TYW1: variants seen among roughly 807,000 people sequenced by gnomAD.
The protein encoded by TYW1 is S-adenosyl-L-methionine-dependent tRNA 4-demethylwyosine synthase TYW1.
In TYW1, 46 loss-of-function variants were observed where a neutral mutation model predicts 96.2. The observed-to-expected ratio is 0.48, with a 90% confidence interval of 0.38 to 0.61. TYW1 has a LOEUF of 0.61. Among genes scored for constraint, TYW1 ranks in the 20% least tolerant of loss-of-function variants. The probability of loss-of-function intolerance (pLI) is 0.00; values close to 1 mark genes in which losing one functional copy is unlikely to be tolerated. For synonymous variants in TYW1, 274 were observed against 323.0 expected, an observed-to-expected ratio of 0.85 and a Z score of 1.63; for missense variants, 684 against 909.6, an observed-to-expected ratio of 0.75 and a Z score of 3.19.
chr7:67,177,696 TAAC>T (rs1384771087), intron 13 of TYW1, among the ~76,000 whole-genome samples: 2 of 152,164 alleles, frequency 1.3e-5, no homozygotes, highest in Non-Finnish European at 2.9e-5. Context: ...TTGTTGAAGA[TAAC>T]AACCAACCAA....
chr7:66,999,013 T>C, intron 3 of TYW1, 59 bp downstream of exon 3: 1 of 1,583,550 alleles, frequency 6.3e-7, no homozygotes, highest in South Asian at 1.1e-5. Context: ...AAAATCCCTT[T>C]AGCAGTGAAC....
At chr7:67,017,600 G>A (rs1794068637) in intron 5 of TYW1, among the ~76,000 whole-genome samples, 1 of 151,828 alleles carries the variant, frequency 6.6e-6, no homozygotes, top group Non-Finnish European at 1.5e-5. Flanking sequence ...TCCTTCATTT[G>A]ATAAAGGGGG....
At chr7:67,066,774 G>A (rs184241774) in intron 9 of TYW1, among the ~76,000 whole-genome samples, 2 of 152,268 alleles carry the variant, frequency 1.3e-5, no homozygotes, top group African/African-American at 2.4e-5. Context: ...CTTGAACCCA[G>A]GAGTTGGAGG....
intron 6 of TYW1, among the ~76,000 whole-genome samples, chr7:67,023,660 C>G (rs1475138561): frequency 6.6e-6 from 1 of 151,920 alleles, no homozygotes; most frequent in African/African-American, 2.4e-5. Context: ...CCCAGCTACT[C>G]TGGAGGCTGA....
At chr7:67,104,438 C>T (rs560444844) in intron 12 of TYW1, among the ~76,000 whole-genome samples, 4 of 152,300 alleles carry the variant, frequency 2.6e-5, no homozygotes, top group East Asian at 3.9e-4. Context: ...AACCAGATTT[C>T]GTGAGAACTT....
rs374412884 is a variant in TYW1, at chr7:67,181,874, G to A, written c.1699-1252G>A. On this transcript the variant is annotated intron_variant, in intron 13 of 15. Coordinates refer to ENST00000359626, the MANE Select transcript of TYW1 (RefSeq NM_018264.4). ...ATTTATTTTGAGACAGTCTTGCTCTGTCTCAGTGCAGTGGCGTGATCTCAG... is the reference window on the plus strand; with the variant it reads ...ATTTATTTTGAGACAGTCTTGCTCTATCTCAGTGCAGTGGCGTGATCTCAG... 4.6e-5 allele frequency among the ~76,000 whole-genome samples: 7 copies of A among 152,206 alleles called. No homozygotes were observed. In the East Asian group the frequency reaches 7.7e-4, roughly 17 times the overall value.
intron 1 of TYW1, among the ~76,000 whole-genome samples, chr7:66,997,554 T>C (rs1015313545): frequency 1.3e-5 from 2 of 152,228 alleles, no homozygotes; most frequent in African/African-American, 4.8e-5. Flanking sequence ...ATTCTGTTTT[T>C]TCTTTGAGTT....
chr7:67,142,689 C>T (rs1161313956), intron 13 of TYW1, among the ~76,000 whole-genome samples: 1 of 152,168 alleles, frequency 6.6e-6, no homozygotes, highest in African/African-American at 2.4e-5. Context: ...ACCTAGGCCT[C>T]CCAAAGTGCT....
At chr7:67,010,464 C>G (rs555585958) in intron 4 of TYW1, among the ~76,000 whole-genome samples, 58 of 151,450 alleles carry the variant, frequency 3.8e-4, no homozygotes, top group Middle Eastern at 3.4e-3. Context: ...CCATGCCCTG[C>G]TAATTTTAAA....
At chr7:67,055,564 A>T (rs188439644) in intron 8 of TYW1, among the ~76,000 whole-genome samples, 2 of 149,778 alleles carry the variant, frequency 1.3e-5, no homozygotes, top group East Asian at 3.9e-4. Context: ...ACAACACTGC[A>T]CTCCTGCCTG....
intron 15 of TYW1, among the ~76,000 whole-genome samples, chr7:67,208,235 C>T (rs1397520011): frequency 3.3e-5 from 5 of 152,080 alleles, no homozygotes; most frequent in Admixed American, 2.0e-4. Context: ...GCAAGAGGAT[C>T]GCTTGAGCCT....
chr7:67,002,915 A>G (rs1793455123), intron 3 of TYW1, among the ~76,000 whole-genome samples: 1 of 141,312 alleles, frequency 7.1e-6, no homozygotes. Flanking sequence ...GTGCAGTGGC[A>G]TTGGCCTCCC....
chr7:67,097,017 T>C (rs1175669498), intron 11 of TYW1, among the ~76,000 whole-genome samples: 1 of 151,976 alleles, frequency 6.6e-6, no homozygotes, highest in Non-Finnish European at 1.5e-5. Context: ...GTTTGGGATA[T>C]GGCCTGGACA....
intron 12 of TYW1, among the ~76,000 whole-genome samples, chr7:67,109,142 C>T (rs1427733876): frequency 1.5e-4 from 22 of 151,694 alleles, no homozygotes; most frequent in African/African-American, 4.1e-4. Flanking sequence ...GGCGCAGTGG[C>T]GGGCACCTGT....
chr7:67,210,764 GTCCATCCA>G (rs1554394279), intron 15 of TYW1, among the ~76,000 whole-genome samples: 31 of 144,098 alleles, frequency 2.2e-4, no homozygotes, highest in Admixed American at 2.1e-3. Flanking sequence ...TCGTCTGTCC[GTCCATCCA>G]TCCATCCATC....
intron 14 of TYW1, among the ~76,000 whole-genome samples, chr7:67,184,740 C>T (rs1316546236): frequency 2.0e-5 from 3 of 149,884 alleles, no homozygotes; most frequent in East Asian, 2.0e-4. Flanking sequence ...TGAAGTCTCG[C>T]TCTGTCACCC....
intron 13 of TYW1, among the ~76,000 whole-genome samples, chr7:67,170,369 C>T (rs1379879372): frequency 6.6e-6 from 1 of 152,138 alleles, no homozygotes; most frequent in Non-Finnish European, 1.5e-5. Context: ...GTGTTTGAAT[C>T]TTCTAACTTT....
chr7:67,217,604 A>G lies in TYW1; in HGVS notation c.1978-20704A>G, dbSNP rs564496781. Among the ~76,000 whole-genome samples, 15 of 152,138 alleles carry G rather than the reference A, an allele frequency of 9.9e-5. No homozygotes were observed. The South Asian group carries it at 2.9e-3, about 29-fold the overall frequency. ...TCTGGGCTCTCTATTCCATTGTTCT[A>G]CATGTCTGTCTTTATGCCAGTATCA... On this transcript the variant is annotated intron_variant, in intron 15 of 15. Transcript: ENST00000359626.
At chr7:67,117,181 A>G (rs987272417) in intron 12 of TYW1, among the ~76,000 whole-genome samples, 2 of 152,194 alleles carry the variant, frequency 1.3e-5, no homozygotes, top group Admixed American at 6.5e-5. Flanking sequence ...TCAGACTTGA[A>G]GTTAGATCAC....
Sources: allele counts gnomAD v4.1 joint callset (sites outside exome capture counted in the v4.1 genomes callset), GRCh38; gene constraint gnomAD v4.1.1; transcripts MANE v1.5; gene names NCBI Gene and HGNC (gene_info 2026-07-23, HGNC 2026-07-21).